The following PAAF1 variants were observed in gnomAD, a reference collection of about 807,000 sequenced individuals.
PAAF1 encodes proteasomal ATPase associated factor 1, also known as proteasomal ATPase-associated factor 1.
A neutral mutation model predicts 52.8 loss-of-function variants in PAAF1; 46 were observed. The ratio of observed to expected loss-of-function variants is 0.87; its 90% CI spans 0.69 to 1.11. The LOEUF is 1.11. Among genes scored for constraint, PAAF1 ranks in the 50% most tolerant of loss-of-function variants. PAAF1 has a pLI of 0.00. For synonymous variants in PAAF1, 178 were observed against 172.8 expected (o/e 1.03, Z -0.24); for missense variants, 424 against 477.4 (o/e 0.89, Z 1.04).
chr11:73,888,057 T>G (rs1199036574), intron 3 of PAAF1, among the ~76,000 whole-genome samples: 1 of 152,206 alleles, frequency 6.6e-6, no homozygotes, highest in Non-Finnish European at 1.5e-5. Context: ...CGAAATTGAT[T>G]TTAATAATAT....
intron 6 of PAAF1, among the ~76,000 whole-genome samples, chr11:73,902,918 C>T (rs1296594536): frequency 6.6e-6 from 1 of 152,156 alleles, no homozygotes; most frequent in Non-Finnish European, 1.5e-5. Context: ...CCAGGCTGGT[C>T]TCAAACTCCT....
chr11:73,885,107 C>T (rs529024412), intron 2 of PAAF1, among the ~76,000 whole-genome samples: 40 of 151,364 alleles, frequency 2.6e-4, no homozygotes, highest in Non-Finnish European at 5.2e-4. Context: ...GATCCACCCG[C>T]CTCGGCCTCC....
chr11:73,925,590 T>C (rs936890308), intron 11 of PAAF1, among the ~76,000 whole-genome samples: 38 of 152,294 alleles, frequency 2.5e-4, no homozygotes, highest in African/African-American at 8.9e-4. Flanking sequence ...GTAAATACAT[T>C]CTATAAATAT....
At chr11:73,899,617 G>T (rs913452868) in intron 5 of PAAF1, among the ~76,000 whole-genome samples, 1 of 151,988 alleles carries the variant, frequency 6.6e-6, no homozygotes, top group Non-Finnish European at 1.5e-5. Flanking sequence ...TCGCCATGTC[G>T]GCCAGGCTGG....
intron 2 of PAAF1, chr11:73,887,144 G>T: frequency 2.0e-6 from 1 of 507,268 alleles, no homozygotes; most frequent in Non-Finnish European, 3.6e-6. Flanking sequence ...CCCAGCCTCA[G>T]GTATTCCTTT....
chr11:73,882,571 C>G (rs1409407924), intron 2 of PAAF1, among the ~76,000 whole-genome samples: 1 of 151,868 alleles, frequency 6.6e-6, no homozygotes, highest in Non-Finnish European at 1.5e-5. Flanking sequence ...CTCAGCCTCC[C>G]AAGTAGCTGG....
chr11:73,877,834 C>T (rs746570638), intron 1 of PAAF1, among the ~76,000 whole-genome samples: 5 of 151,870 alleles, frequency 3.3e-5, no homozygotes, highest in African/African-American at 9.7e-5. Flanking sequence ...TGCAGTGAGC[C>T]GAGATTGCAC....
intron 4 of PAAF1, among the ~76,000 whole-genome samples, chr11:73,897,236 ACC>A (rs377632289): frequency 8.1e-6 from 1 of 123,050 alleles, no homozygotes; most frequent in African/African-American, 3.1e-5. Flanking sequence ...CGGGGGGCTG[ACC>A]CCCCCCACCT....
chr11:73,885,057 C>T (rs2135132585), intron 2 of PAAF1, among the ~76,000 whole-genome samples: 1 of 151,902 alleles, frequency 6.6e-6, no homozygotes, highest in Non-Finnish European at 1.5e-5. Flanking sequence ...GACGGGGTTT[C>T]ACCGTTTTAG....
intron 6 of PAAF1, among the ~76,000 whole-genome samples, 175 bp downstream of exon 6, chr11:73,900,595 T>C (rs1949571521): frequency 6.6e-6 from 1 of 152,218 alleles, no homozygotes; most frequent in South Asian, 2.1e-4. Context: ...ACAGTCTTTT[T>C]ATTGCTATCT....
In PAAF1 at chr11:73,899,068, G is replaced by A; in HGVS notation, c.283-78G>A. The A allele has an allele frequency of 6.1e-6, 7 of 1,153,590 alleles. No individual in the cohort carries two copies. The African/African-American group carries it at 6.1e-5, about 10-fold the overall frequency. The allele number at this position is 1,153,590 out of a possible 1,614,324, so 71.5% of individuals were successfully genotyped here. On this transcript the variant is annotated intron_variant, in intron 4 of 11. Coordinates refer to ENST00000310571, the MANE Select transcript of PAAF1 (RefSeq NM_025155.3). ...AGGAAGTCTTGGAAGAGTGAAAAAA[G>A]GGAAGTTTATAACATATTTCAAGGG...
chr11:73,888,066 A>G (rs1949109791), intron 3 of PAAF1, among the ~76,000 whole-genome samples: 1 of 152,206 alleles, frequency 6.6e-6, no homozygotes, highest in African/African-American at 2.4e-5. Flanking sequence ...TTTTAATAAT[A>G]TATTTGATCT....
At chr11:73,878,702 C>G in intron 1 of PAAF1, 77 bp from the exon 2 acceptor site, 1 of 1,372,476 alleles carries the variant, frequency 7.3e-7, no homozygotes, top group African/African-American at 1.4e-5. Flanking sequence ...GTTACATGAC[C>G]TTCTTTCTTC....
intron 2 of PAAF1, among the ~76,000 whole-genome samples, chr11:73,882,629 G>A (rs963329124): frequency 3.3e-5 from 5 of 151,404 alleles, no homozygotes; most frequent in Admixed American, 3.3e-4. Flanking sequence ...TTGAGACGGA[G>A]TCTCGCTCTG....
rs1344222750 is a variant in PAAF1 at position 73,927,789 on chromosome 11, A to G, written c.*427A>G. 2 of 164,514 alleles carry G rather than the reference A, an allele frequency of 1.2e-5. No homozygotes were observed. The highest frequency in any genetic ancestry group is 1.7e-4 in the East Asian group (1 of 5,788). The allele number at this position is 164,514 out of a possible 1,614,324, so 10.2% of individuals were successfully genotyped here. ...CTCCAGCAAAAAGTTGGTCAGGACG[A>G]TGGAATTCCTTCCTCAGCACTCCCT... On this transcript the variant is annotated 3_prime_UTR_variant, in exon 12 of 12. Coordinates refer to ENST00000310571, the MANE Select transcript of PAAF1 (RefSeq NM_025155.3).
intron 2 of PAAF1, chr11:73,880,726 C>A (rs1417535294): frequency 7.1e-6 from 1 of 140,636 alleles, no homozygotes. Context: ...AAGCCAGGCA[C>A]AGCAGCTCAC....
chr11:73,914,554 C>A, intron 8 of PAAF1, 50 bp downstream of exon 8: 1 of 1,507,324 alleles, frequency 6.6e-7, no homozygotes, highest in South Asian at 1.1e-5. Context: ...CTGGGTCACT[C>A]TGTGTCTTAG....
At chr11:73,915,110 C>T (rs1209912021) in intron 8 of PAAF1, among the ~76,000 whole-genome samples, 2 of 152,150 alleles carry the variant, frequency 1.3e-5, no homozygotes, top group East Asian at 1.9e-4. Flanking sequence ...AGTTACTTAA[C>T]CTCTCTGAGC....
At chr11:73,897,165 C>G (rs1949414130) in intron 4 of PAAF1, among the ~76,000 whole-genome samples, 1 of 135,192 alleles carries the variant, frequency 7.4e-6, no homozygotes, top group South Asian at 2.5e-4. Flanking sequence ...CCGGACGGGG[C>G]GGCTGGCCGT....
Sources: allele counts gnomAD v4.1 joint callset (sites outside exome capture counted in the v4.1 genomes callset), GRCh38; gene constraint gnomAD v4.1.1; transcripts MANE v1.5; gene names NCBI Gene and HGNC (gene_info 2026-07-23, HGNC 2026-07-21).